PLD5: variants seen among roughly 807,000 people sequenced by gnomAD.
PLD5 encodes the protein inactive phospholipase D5.
A neutral mutation model predicts 61.1 loss-of-function variants in PLD5; 36 were observed. The observed-to-expected ratio is 0.59, with a 90% confidence interval of 0.45 to 0.78. PLD5 has a LOEUF of 0.78. Among genes scored for constraint, PLD5 ranks in the 30% least tolerant of loss-of-function variants. The pLI, the probability that PLD5 is intolerant of heterozygous loss-of-function variation, is 0.00. For synonymous variants in PLD5, 243 were observed against 242.8 expected, an observed-to-expected ratio of 1.00 and a Z score of -0.01; for missense variants, 515 against 644.4, an observed-to-expected ratio of 0.80 and a Z score of 2.17.
intron 2 of PLD5, among the ~76,000 whole-genome samples, chr1:242,315,026 CCAAG>C (rs1171707988): frequency 2.0e-5 from 3 of 152,166 alleles, no homozygotes; most frequent in Non-Finnish European, 2.9e-5. Context: ...CACCATTTGG[CCAAG>C]CAGTTACTCA....
intron 1 of PLD5, among the ~76,000 whole-genome samples, chr1:242,433,815 G>C (rs894972216): frequency 5.9e-5 from 9 of 152,142 alleles, no homozygotes; most frequent in African/African-American, 2.2e-4. Context: ...GCTATCAGAG[G>C]GGAATCGCCC....
intron 4 of PLD5, among the ~76,000 whole-genome samples, chr1:242,230,870 G>T (rs1424771197): frequency 1.3e-5 from 2 of 152,118 alleles, no homozygotes; most frequent in East Asian, 3.9e-4. Flanking sequence ...TCTAAGAGTT[G>T]TCTCTTCCCT....
chr1:242,426,154 G>A (rs1572127767), intron 1 of PLD5, among the ~76,000 whole-genome samples: 5 of 151,656 alleles, frequency 3.3e-5, no homozygotes, highest in Admixed American at 2.0e-4. Context: ...AGGCCCACAC[G>A]GGGTCAGGAT....
chr1:242,205,207 G>A (rs1669247092), intron 5 of PLD5, among the ~76,000 whole-genome samples: 1 of 152,186 alleles, frequency 6.6e-6, no homozygotes, highest in African/African-American at 2.4e-5. Flanking sequence ...ACTTGGGAAT[G>A]ACCTCCTGAT....
chr1:242,151,235 G>A lies in PLD5; in HGVS notation c.736-26570C>T, dbSNP rs1664903629. Among the ~76,000 whole-genome samples the A allele has an allele frequency of 2.0e-5, 3 of 151,698 alleles. No homozygotes were observed. The South Asian group carries it at 6.2e-4, about 31-fold the overall frequency. ...AAAAATATTTACTTTCATTTATTCT[G>A]TTTCCAGTGCTCTTCATTTTAACAT... is the stretch of plus-strand genomic sequence containing the variant. On this transcript the variant is annotated intron_variant, in intron 5 of 9. Transcript: ENST00000536534.
intron 5 of PLD5, among the ~76,000 whole-genome samples, chr1:242,169,906 T>C (rs1273501587): frequency 6.6e-6 from 1 of 152,042 alleles, no homozygotes; most frequent in Non-Finnish European, 1.5e-5. Flanking sequence ...GGGAAGGGCA[T>C]CTCTGAAAAA....
intron 1 of PLD5, among the ~76,000 whole-genome samples, chr1:242,507,994 G>GTTTT (rs34331301): frequency 7.1e-4 from 105 of 147,534 alleles, no homozygotes; most frequent in African/African-American, 2.5e-3. Flanking sequence ...TTTTTAATCT[G>GTTTT]TTTTTTTTTT....
At chr1:242,094,591 T>C (rs2148654432) in intron 9 of PLD5, among the ~76,000 whole-genome samples, 1 of 152,312 alleles carries the variant, frequency 6.6e-6, no homozygotes, top group South Asian at 2.1e-4. Context: ...ATTTTTATAC[T>C]AGAACTGTGC....
At chr1:242,424,873 T>C (rs1320480763) in intron 1 of PLD5, among the ~76,000 whole-genome samples, 1 of 152,172 alleles carries the variant, frequency 6.6e-6, no homozygotes, top group South Asian at 2.1e-4. Context: ...GGCTCACACC[T>C]GTAATCCCAG....
intron 1 of PLD5, among the ~76,000 whole-genome samples, chr1:242,373,212 C>A (rs1661741339): frequency 6.6e-6 from 1 of 152,190 alleles, no homozygotes; most frequent in Non-Finnish European, 1.5e-5. Context: ...CTCATCATCA[C>A]TGGCTATCAG....
At position 242,084,750 on chromosome 1, in the gene PLD5, GTTTTTTTTTTT is replaced by G. The variant is rs1162808490; in HGVS notation, c.*5093_*5103del. On this transcript the variant is annotated 3_prime_UTR_variant, in exon 10 of 10. Coordinates refer to ENST00000536534, the MANE Select transcript of PLD5 (RefSeq NM_001372062.1). ...CTCAGAATGAACATTTATTGGAAAGGTTTTTTTTTTTTTTTTTTTTTTTTTTTTAGAGAAAG... is the reference window on the plus strand; with the variant it reads ...CTCAGAATGAACATTTATTGGAAAGGTTTTTTTTTTTTTTTTTAGAGAAAG... 2 of 73,604 alleles carry G rather than the reference GTTTTTTTTTTT, an allele frequency of 2.7e-5. No homozygotes were observed. Among genetic ancestry groups the G allele is most frequent in the Admixed American group, 1.8e-4 (1 of 5,452 alleles). 4.6% of individuals were successfully genotyped at this position (73,604 alleles called of 1,614,324 possible). A position where few individuals can be genotyped will look rare whatever the true frequency, so the allele number is the denominator to read the frequency against.
At chr1:242,181,155 T>C (rs1667492704) in intron 5 of PLD5, among the ~76,000 whole-genome samples, 1 of 152,160 alleles carries the variant, frequency 6.6e-6, no homozygotes, top group Non-Finnish European at 1.5e-5. Context: ...TGATTTGAAT[T>C]ATTAAAATTT....
chr1:242,263,276 G>T (rs1673476393), intron 4 of PLD5, among the ~76,000 whole-genome samples: 1 of 151,244 alleles, frequency 6.6e-6, no homozygotes, highest in Non-Finnish European at 1.5e-5. Flanking sequence ...ATTGCTCATG[G>T]CTTATTTTAT....
Position 242,163,236 on chromosome 1 carries a change from C to T in PLD5, c.736-38571G>A, listed in dbSNP as rs372363634. Among the ~76,000 whole-genome samples, 809 of 149,108 alleles carry T rather than the reference C, an allele frequency of 5.4e-3. 13 individuals are homozygous for T. Among genetic ancestry groups the T allele is most frequent in the African/African-American group, 0.02 (773 of 38,822 alleles). On this transcript the variant is annotated intron_variant, in intron 5 of 9. Transcript: ENST00000536534. ...TCGGCTCACTGCAAGCTCCGCCTCC[C>T]GGGTTCATGCCATTCTCCTGCCTCA...
At chr1:242,382,381 C>A (rs1389628856) in intron 1 of PLD5, among the ~76,000 whole-genome samples, 3 of 152,080 alleles carry the variant, frequency 2.0e-5, no homozygotes, top group Admixed American at 6.6e-5. Flanking sequence ...AGCCCTACAG[C>A]ACTGTGTCAG....
intron 4 of PLD5, among the ~76,000 whole-genome samples, chr1:242,239,813 A>C (rs755134318): frequency 2.4e-4 from 37 of 152,246 alleles, no homozygotes; most frequent in Non-Finnish European, 5.1e-4. Context: ...GAGAAAATTA[A>C]AAGAGGTAAT....
intron 2 of PLD5, among the ~76,000 whole-genome samples, chr1:242,291,972 C>T (rs1287313929): frequency 6.6e-6 from 1 of 152,040 alleles, no homozygotes; most frequent in Admixed American, 6.6e-5. Context: ...TGACAGGGTT[C>T]AGAAGAGAGA....
At chr1:242,119,946 G>T (rs1662237938) in intron 6 of PLD5, among the ~76,000 whole-genome samples, 1 of 152,092 alleles carries the variant, frequency 6.6e-6, no homozygotes, top group African/African-American at 2.4e-5. Context: ...TGACAGACGG[G>T]TAAACAAAGT....
intron 1 of PLD5, among the ~76,000 whole-genome samples, chr1:242,351,511 C>T (rs1163695748): frequency 1.3e-5 from 2 of 152,112 alleles, no homozygotes; most frequent in African/African-American, 2.4e-5. Flanking sequence ...GAAGGGCAGT[C>T]CCCCTGCACA....
Sources: allele counts gnomAD v4.1 joint callset (sites outside exome capture counted in the v4.1 genomes callset), GRCh38; gene constraint gnomAD v4.1.1; transcripts MANE v1.5; gene names NCBI Gene and HGNC (gene_info 2026-07-23, HGNC 2026-07-21).